WDR7: variants seen among roughly 807,000 people sequenced by gnomAD.
The protein encoded by WDR7 is WD repeat-containing protein 7.
Under a neutral mutation model 169.4 loss-of-function variants are expected in WDR7, and 46 were observed. The observed-to-expected ratio is 0.27, with a 90% CI of 0.21 to 0.35. WDR7 has a LOEUF of 0.35. Among genes scored for constraint, WDR7 ranks in the 10% least tolerant of loss-of-function variants. The pLI, the probability that WDR7 is intolerant of heterozygous loss-of-function variation, is 1.00. For missense variants in WDR7, 1,534 were observed against 1,859.3 expected, an observed-to-expected ratio of 0.83 and a Z score of 3.22; for synonymous variants, 612 against 666.8, an observed-to-expected ratio of 0.92 and a Z score of 1.27.
At chr18:56,781,455 A>G in intron 18 of WDR7, 78 bp from the exon 19 acceptor site, 3 of 1,351,458 alleles carry the variant, frequency 2.2e-6, no homozygotes, top group Non-Finnish European at 2.9e-6. Flanking sequence ...TTATTTCATT[A>G]TAAATTTTCT....
chr18:56,905,734 A>G (rs934617176), intron 21 of WDR7, among the ~76,000 whole-genome samples: 6 of 151,954 alleles, frequency 3.9e-5, no homozygotes, highest in African/African-American at 1.2e-4. Context: ...CGATTTATCT[A>G]TTTATATTTC....
At chr18:57,009,923 C>G (rs1247529231) in intron 26 of WDR7, 9 of 985,374 alleles carry the variant, frequency 9.1e-6, no homozygotes, top group Non-Finnish European at 1.1e-5. Flanking sequence ...AACCATCTTC[C>G]GTTAACCATA....
rs574938615 is a variant in WDR7, at chr18:56,836,298, G to A, written c.3304+20154G>A. Among the ~76,000 whole-genome samples the A allele has an allele frequency of 7.9e-5, 12 of 152,222 alleles. No individual in the cohort carries two copies. The East Asian group carries it at 9.6e-4, about 12-fold the overall frequency. On this transcript the variant is annotated intron_variant, in intron 20 of 27. Transcript: ENST00000254442. ...GTGAAAATATACAACAAACGAAACCGTCTGCCACTCCCAAGCAACCAGCCC... is the reference window on the plus strand; with the variant it reads ...GTGAAAATATACAACAAACGAAACCATCTGCCACTCCCAAGCAACCAGCCC...
intron 14 of WDR7, among the ~76,000 whole-genome samples, chr18:56,743,980 G>A (rs550377609): frequency 3.5e-3 from 528 of 152,138 alleles, no homozygotes; most frequent in Non-Finnish European, 6.3e-3. Flanking sequence ...GGCCGGGCGC[G>A]GTGGCTCACG....
chr18:56,863,589 A>G (rs998772047), intron 20 of WDR7, among the ~76,000 whole-genome samples: 1 of 151,748 alleles, frequency 6.6e-6, no homozygotes, highest in African/African-American at 2.4e-5. Context: ...TTATAATTGT[A>G]AACTTCATAT....
intron 20 of WDR7, among the ~76,000 whole-genome samples, chr18:56,857,195 G>A (rs1313077875): frequency 6.6e-6 from 1 of 152,144 alleles, no homozygotes; most frequent in Non-Finnish European, 1.5e-5. Flanking sequence ...AGTGGTTTCT[G>A]ATATAGTATT....
intron 21 of WDR7, among the ~76,000 whole-genome samples, chr18:56,912,850 C>T (rs1229714769): frequency 6.6e-6 from 1 of 151,930 alleles, no homozygotes; most frequent in East Asian, 1.9e-4. Context: ...GCCTCTGAGC[C>T]ATCTGTACAT....
At position 56,757,360 on chromosome 18, in the gene WDR7, C is replaced by T. The variant is rs1172264878; in HGVS notation, c.2759+8C>T. The stretch of plus-strand genomic sequence containing the variant: ...GAAGAAGGGTCCTACCAGGTGTGAC[C>T]ATGATAGTTTGATTTTATTCTTAAG... On this transcript the variant is annotated splice_region_variant and intron_variant, in intron 15 of 27. Coordinates refer to ENST00000254442, the MANE Select transcript of WDR7 (RefSeq NM_015285.3). 3 of 1,543,174 alleles carry T rather than the reference C, an allele frequency of 1.9e-6. No individual in the cohort carries two copies. Among genetic ancestry groups the T allele is most frequent in the Non-Finnish European group, 1.7e-6 (2 of 1,144,462 alleles).
At chr18:56,795,392 C>G (rs1429986027) in intron 19 of WDR7, among the ~76,000 whole-genome samples, 1 of 152,144 alleles carries the variant, frequency 6.6e-6, no homozygotes, top group African/African-American at 2.4e-5. Context: ...GCTGTTTGTT[C>G]ACTGTTGCTT....
chr18:56,830,722 T>A (rs2045294090), intron 20 of WDR7, among the ~76,000 whole-genome samples: 1 of 152,192 alleles, frequency 6.6e-6, no homozygotes. Context: ...CACACTTTTT[T>A]TTGAGATGGA....
intron 1 of WDR7, among the ~76,000 whole-genome samples, chr18:56,664,010 AAG>A (rs770531424): frequency 5.9e-5 from 9 of 152,292 alleles, no homozygotes; most frequent in East Asian, 3.9e-4. Flanking sequence ...ACCAGAAAAA[AAG>A]AGAGTGCATT....
chr18:56,849,049 A>G (rs1317836077), intron 20 of WDR7, among the ~76,000 whole-genome samples: 1 of 152,140 alleles, frequency 6.6e-6, no homozygotes, highest in African/African-American at 2.4e-5. Flanking sequence ...TCAGACTTAT[A>G]TATCAACTTT....
chr18:56,914,301 C>T (rs1393649501), intron 21 of WDR7, among the ~76,000 whole-genome samples: 1 of 152,136 alleles, frequency 6.6e-6, no homozygotes, highest in Non-Finnish European at 1.5e-5. Flanking sequence ...TAGGATCTTA[C>T]CCTGCTTTAT....
intron 21 of WDR7, among the ~76,000 whole-genome samples, chr18:56,913,026 A>G (rs2046573964): frequency 6.6e-6 from 1 of 151,480 alleles, no homozygotes; most frequent in African/African-American, 2.4e-5. Context: ...AGGTACACAC[A>G]CCATGCCTAA....
chr18:56,730,848 G>A (rs561963907), intron 13 of WDR7, among the ~76,000 whole-genome samples: 4 of 152,186 alleles, frequency 2.6e-5, no homozygotes, highest in African/African-American at 7.2e-5. Context: ...ACAAACATAC[G>A]AAGAAACATT....
chr18:57,022,821 A>C (rs1255890324), intron 27 of WDR7, among the ~76,000 whole-genome samples: 1 of 152,186 alleles, frequency 6.6e-6, no homozygotes, highest in East Asian at 1.9e-4. Context: ...TTTGTCTTCC[A>C]GTTCCTCTCT....
At chr18:56,773,928 C>T (rs911525831) in intron 16 of WDR7, among the ~76,000 whole-genome samples, 2 of 151,906 alleles carry the variant, frequency 1.3e-5, no homozygotes, top group Non-Finnish European at 2.9e-5. Flanking sequence ...ACCCACCCTC[C>T]CCATAACATC....
At chr18:56,673,134 A>T (rs1238697529) in intron 2 of WDR7, among the ~76,000 whole-genome samples, 5 of 148,710 alleles carry the variant, frequency 3.4e-5, no homozygotes, top group Non-Finnish European at 1.5e-5. Flanking sequence ...CTGTCAGTGG[A>T]CAGAGCTAGG....
chr18:56,724,897 T>C (rs1255944839), intron 13 of WDR7, among the ~76,000 whole-genome samples: 1 of 152,092 alleles, frequency 6.6e-6, no homozygotes, highest in Non-Finnish European at 1.5e-5. Flanking sequence ...AGTGAGAACA[T>C]GCGGTGTTTG....
Sources: gnomAD v4.1 joint callset for allele counts (sites outside exome capture counted in the v4.1 genomes callset) on GRCh38, gnomAD v4.1.1 for gene constraint, MANE v1.5 for transcripts, NCBI Gene and HGNC (gene_info 2026-07-23, HGNC 2026-07-21) for gene names.